Variants in SOX6 observed in about 807,000 individuals in gnomAD.
SOX6 encodes transcription factor SOX-6.
SOX6 carries 11 observed loss-of-function variants against 97.8 expected under a neutral mutation model. That is an observed-to-expected ratio of 0.11 (90% CI 0.07 to 0.19). The LOEUF is 0.19. Ranked by LOEUF, SOX6 falls within the 10% of genes least tolerant of loss-of-function variation. SOX6 has a pLI of 1.00. For missense variants in SOX6, 810 were observed against 1,039.5 expected (o/e 0.78, Z 3.04); for synonymous variants, 360 against 371.4 (o/e 0.97, Z 0.35).
intron 4 of SOX6, among the ~76,000 whole-genome samples, chr11:16,542,273 A>T (rs1861420812): frequency 6.6e-6 from 1 of 152,136 alleles, no homozygotes; most frequent in Non-Finnish European, 1.5e-5. Context: ...ATGAGAACAC[A>T]TGGACACAGG....
At chr11:16,636,799 T>C (rs1848796938) in intron 3 of SOX6, among the ~76,000 whole-genome samples, 1 of 151,708 alleles carries the variant, frequency 6.6e-6, no homozygotes, top group Admixed American at 6.6e-5. Flanking sequence ...TATAAGGGAG[T>C]TTTCCCACCC....
chr11:16,362,625 G>GA (rs201435471), intron 1 of SOX6, among the ~76,000 whole-genome samples: 2,463 of 150,726 alleles, frequency 0.016, 57 homozygotes, highest in African/African-American at 0.055. Flanking sequence ...TGTATGTGGT[G>GA]AAAAAAAAAG....
intron 9 of SOX6, among the ~76,000 whole-genome samples, chr11:16,094,954 AAGGT>A (rs1848762716): frequency 6.6e-6 from 1 of 151,810 alleles, no homozygotes; most frequent in Non-Finnish European, 1.5e-5. Flanking sequence ...ATTTTCCAAA[AAGGT>A]AGATTCACAA....
chr11:16,132,428 AG>A (rs1265716828), intron 6 of SOX6, among the ~76,000 whole-genome samples: 50 of 106,340 alleles, frequency 4.7e-4, no homozygotes, highest in East Asian at 9.5e-4. Context: ...AAAGAAAGAA[AG>A]AAAGAAAGAA....
chr11:16,140,912 T>C (rs2134038707), intron 6 of SOX6, among the ~76,000 whole-genome samples: 1 of 152,268 alleles, frequency 6.6e-6, no homozygotes. Context: ...AAATATCTCT[T>C]AGCTGGGCAC....
Position 15,979,662 on chromosome 11 carries a change from T to C in SOX6, c.2183+6542A>G, listed in dbSNP as rs539127003. On this transcript the variant is annotated intron_variant, in intron 15 of 15. Coordinates refer to ENST00000683767, the MANE Select transcript of SOX6 (RefSeq NM_001367873.1). ...TCATTCTGGCCTATTTATTTCTTCTTGGAACAAGCTAGGCACAATCTCGCC... is the reference window on the plus strand; with the variant it reads ...TCATTCTGGCCTATTTATTTCTTCTCGGAACAAGCTAGGCACAATCTCGCC... 2.0e-5 allele frequency among the ~76,000 whole-genome samples: 3 copies of C among 152,220 alleles called. No individual in the cohort carries two copies. In the South Asian group the frequency reaches 6.2e-4, roughly 32 times the overall value.
chr11:16,468,401 T>C (rs1199509631), intron 1 of SOX6, among the ~76,000 whole-genome samples: 4 of 152,212 alleles, frequency 2.6e-5, no homozygotes, highest in Admixed American at 6.5e-5. Context: ...GTAAGTTGTT[T>C]TGCAGGCATC....
At chr11:16,526,246 A>G (rs188530838) in intron 4 of SOX6, among the ~76,000 whole-genome samples, 16,031 of 152,234 alleles carry the variant, frequency 0.11, 913 homozygotes, top group Non-Finnish European at 0.14. Flanking sequence ...AATGTCTAAC[A>G]ATGTAGACTG....
At chr11:16,274,330 C>T (rs1854335254) in intron 3 of SOX6, among the ~76,000 whole-genome samples, 1 of 151,994 alleles carries the variant, frequency 6.6e-6, no homozygotes, top group South Asian at 2.1e-4. Context: ...TACAGTATGA[C>T]CCCATTTTTA....
intron 1 of SOX6, among the ~76,000 whole-genome samples, chr11:16,448,495 G>T (rs573960820): frequency 6.6e-6 from 1 of 151,962 alleles, no homozygotes; most frequent in African/African-American, 2.4e-5. Context: ...TCAAGTGAAA[G>T]AAGTGAATAT....
At chr11:16,141,139 C>T (rs563498937) in intron 6 of SOX6, among the ~76,000 whole-genome samples, 3 of 152,142 alleles carry the variant, frequency 2.0e-5, no homozygotes, top group African/African-American at 7.2e-5. Flanking sequence ...TCTTCATGCT[C>T]ATGCTCAGTA....
chr11:16,105,512 G>C (rs563580360), intron 7 of SOX6, among the ~76,000 whole-genome samples: 1 of 152,006 alleles, frequency 6.6e-6, no homozygotes, highest in South Asian at 2.1e-4. Context: ...AGGCCACAGT[G>C]AACTATGATC....
Position 16,356,374 on chromosome 11 carries a change from G to C in SOX6, c.-285C>G, listed in dbSNP as rs1857074323. On this transcript the variant is annotated 5_prime_UTR_variant, in exon 1 of 16. Coordinates refer to ENST00000683767, the MANE Select transcript of SOX6 (RefSeq NM_001367873.1). Reference sequence around the variant, plus strand: ...AGGAGTTAAAAACATAAAAGTAAATGAAAGAAGTGAAATCTCTTGGCCTGT... The same window carrying C: ...AGGAGTTAAAAACATAAAAGTAAATCAAAGAAGTGAAATCTCTTGGCCTGT... Among the ~76,000 whole-genome samples, 2 of 152,064 alleles carry C rather than the reference G, an allele frequency of 1.3e-5. No individual in the cohort carries two copies.
intron 12 of SOX6, among the ~76,000 whole-genome samples, chr11:16,028,180 G>T (rs192335759): frequency 1.3e-4 from 20 of 152,260 alleles, no homozygotes; most frequent in Admixed American, 9.8e-4. Flanking sequence ...ATTTTATTGG[G>T]AACTTATATT....
At chr11:16,147,863 T>C (rs1022679200) in intron 6 of SOX6, among the ~76,000 whole-genome samples, 9 of 152,172 alleles carry the variant, frequency 5.9e-5, no homozygotes, top group Non-Finnish European at 1.2e-4. Flanking sequence ...CAGTGTGAAA[T>C]TTAAAACTTA....
chr11:16,053,415 A>G (rs374898539), intron 10 of SOX6, among the ~76,000 whole-genome samples: 1 of 152,156 alleles, frequency 6.6e-6, no homozygotes, highest in Non-Finnish European at 1.5e-5. Context: ...TATTTCAATC[A>G]CAACCACTAA....
At chr11:16,052,140 T>G (rs1847702018) in intron 10 of SOX6, among the ~76,000 whole-genome samples, 1 of 152,262 alleles carries the variant, frequency 6.6e-6, no homozygotes, top group African/African-American at 2.4e-5. Context: ...ACTCTAATTT[T>G]TTACTTAGTT....
intron 13 of SOX6, among the ~76,000 whole-genome samples, chr11:15,997,964 C>T (rs1406556623): frequency 6.6e-6 from 1 of 151,960 alleles, no homozygotes; most frequent in African/African-American, 2.4e-5. Context: ...CCTGTAATCC[C>T]AGCTACTCAG....
intron 1 of SOX6, among the ~76,000 whole-genome samples, chr11:16,440,917 GT>G (rs1859492184): frequency 6.6e-6 from 1 of 152,056 alleles, no homozygotes; most frequent in African/African-American, 2.4e-5. Flanking sequence ...TGGAAAATTT[GT>G]TTTTCATATT....
Sources: allele counts gnomAD v4.1 joint callset (sites outside exome capture counted in the v4.1 genomes callset), GRCh38; gene constraint gnomAD v4.1.1; transcripts MANE v1.5; gene names NCBI Gene and HGNC (gene_info 2026-07-23, HGNC 2026-07-21).